Variants in GRID1 observed in about 807,000 individuals in gnomAD.
GRID1 encodes the protein glutamate receptor ionotropic, delta-1.
Under a neutral mutation model 98.0 loss-of-function variants are expected in GRID1, and 28 were observed. The ratio of observed to expected loss-of-function variants is 0.29; its 90% CI spans 0.21 to 0.39. The LOEUF (loss-of-function observed/expected upper bound fraction) is 0.39, where lower values mean the gene tolerates loss of function less well. GRID1 is among the 10% of genes least tolerant of loss of function. GRID1 has a pLI of 1.00. For missense variants in GRID1, 1,111 were observed against 1,340.5 expected (o/e 0.83, Z 2.67); for synonymous variants, 553 against 538.5 (o/e 1.03, Z -0.37).
chr10:85,854,561 G>A lies in GRID1; in HGVS notation c.1168C>T (p.Pro390Ser), dbSNP rs758023183. Residue 390 changes from proline to serine, a missense_variant, in exon 8 of 16, where the codon CCC becomes TCC. Physicochemically the swap from Pro to Ser is moderately conservative, Grantham distance 74. This residue lies in a region of GRID1 where 762 missense variants were observed against 869.1 expected (regional missense o/e 0.88). Transcript: ENST00000327946. ...VMEFREDSSN[P>S]YVQFEILGTT... ...CCAAGGATTTCAAACTGGACATAGG[G>A]ATTCGAACTGTCCTCCCGAAACTCC... 9 of 1,613,366 alleles carry A rather than the reference G, an allele frequency of 5.6e-6. No individual in the cohort carries two copies. Among genetic ancestry groups the A allele is most frequent in the Admixed American group, 1.7e-5 (1 of 60,000 alleles).
At chr10:85,839,536 T>C (rs977110006) in intron 8 of GRID1, among the ~76,000 whole-genome samples, 3 of 152,044 alleles carry the variant, frequency 2.0e-5, no homozygotes, top group South Asian at 2.1e-4. Context: ...TGGTAAATAA[T>C]AATATTAAAG....
chr10:85,692,450 C>T (rs933503631), intron 12 of GRID1, among the ~76,000 whole-genome samples: 1 of 151,852 alleles, frequency 6.6e-6, no homozygotes. Context: ...TTGCGTGACC[C>T]CAGGAGTTTG....
chr10:85,906,263 C>G (rs575050034), intron 5 of GRID1, among the ~76,000 whole-genome samples: 8 of 152,010 alleles, frequency 5.3e-5, no homozygotes, highest in Non-Finnish European at 1.2e-4. Flanking sequence ...TAAGCAATAA[C>G]TGGTAAAACT....
chr10:85,653,933 C>T (rs896723707), intron 12 of GRID1, among the ~76,000 whole-genome samples: 61 of 152,074 alleles, frequency 4.0e-4, no homozygotes, highest in African/African-American at 1.4e-3. Flanking sequence ...ATAAACTACC[C>T]AGTTTAAGGT....
chr10:86,269,533 C>T (rs1049925834), intron 2 of GRID1, among the ~76,000 whole-genome samples: 4 of 152,238 alleles, frequency 2.6e-5, no homozygotes, highest in Non-Finnish European at 4.4e-5. Context: ...CTCTTGGCCT[C>T]GGCCTCTGCA....
chr10:86,116,552 A>G (rs986503215), intron 4 of GRID1, among the ~76,000 whole-genome samples: 8 of 152,218 alleles, frequency 5.3e-5, no homozygotes, highest in African/African-American at 1.9e-4. Context: ...AACGATGGCC[A>G]TCCATAAGTG....
chr10:85,775,924 A>G (rs916156862), intron 8 of GRID1, among the ~76,000 whole-genome samples: 1 of 152,164 alleles, frequency 6.6e-6, no homozygotes, highest in African/African-American at 2.4e-5. Flanking sequence ...AAATTTTTGC[A>G]CCACATGAAT....
intron 4 of GRID1, among the ~76,000 whole-genome samples, chr10:86,046,806 C>T (rs993839766): frequency 6.1e-5 from 9 of 147,980 alleles, no homozygotes; most frequent in African/African-American, 1.8e-4. Context: ...AATCTCTTTA[C>T]ATCTGTAAGT....
chr10:86,172,394 A>G (rs1393250429), intron 3 of GRID1, among the ~76,000 whole-genome samples: 2 of 152,198 alleles, frequency 1.3e-5, no homozygotes, highest in African/African-American at 4.8e-5. Context: ...GTACATATTC[A>G]TGCATACACC....
intron 8 of GRID1, among the ~76,000 whole-genome samples, chr10:85,745,698 T>C (rs1841989879): frequency 7.0e-6 from 1 of 142,024 alleles, no homozygotes; most frequent in Non-Finnish European, 1.5e-5. Flanking sequence ...AATGTGCACA[T>C]GTACCCTAAA....
chr10:85,999,034 G>A (rs1230375457), intron 4 of GRID1, among the ~76,000 whole-genome samples: 3 of 152,070 alleles, frequency 2.0e-5, no homozygotes, highest in Non-Finnish European at 2.9e-5. Flanking sequence ...CCAACATGGC[G>A]AAACCCTGTC....
intron 8 of GRID1, among the ~76,000 whole-genome samples, chr10:85,834,957 C>T (rs1179816946): frequency 6.6e-6 from 1 of 151,984 alleles, no homozygotes; most frequent in Non-Finnish European, 1.5e-5. Context: ...AAAAAAGTTA[C>T]TTCAAAGGCA....
In GRID1 at chr10:86,138,900, CTCT is replaced by C; in HGVS notation, c.642_644del (p.Glu216del). The C allele has an allele frequency of 6.2e-7, 1 of 1,614,186 alleles. No homozygotes were observed. Among genetic ancestry groups the C allele is most frequent in the Non-Finnish European group, 8.5e-7 (1 of 1,179,996 alleles). On this transcript the variant is annotated inframe_deletion, in exon 4 of 16. Coordinates refer to ENST00000327946, the MANE Select transcript of GRID1 (RefSeq NM_017551.3). ...GCGTGTCCCGGTAGCGATTCAGCTCCTCTGTCTTCATCGTGGTGAAGAGGCTGG... is the reference window on the plus strand; with the variant it reads ...GCGTGTCCCGGTAGCGATTCAGCTCCGTCTTCATCGTGGTGAAGAGGCTGG...
chr10:85,629,766 GT>G (rs1365147548), intron 13 of GRID1, among the ~76,000 whole-genome samples: 3 of 152,078 alleles, frequency 2.0e-5, no homozygotes, highest in African/African-American at 7.2e-5. Flanking sequence ...TCTATGTTTA[GT>G]TTTTTGGGAA....
At chr10:86,225,631 C>T (rs967329614) in intron 2 of GRID1, among the ~76,000 whole-genome samples, 1 of 152,118 alleles carries the variant, frequency 6.6e-6, no homozygotes, top group East Asian at 1.9e-4. Flanking sequence ...AGACACCCTG[C>T]CCTGGAGGGG....
chr10:85,702,856 G>C (rs1391917507), intron 12 of GRID1, among the ~76,000 whole-genome samples: 2 of 151,296 alleles, frequency 1.3e-5, no homozygotes, highest in South Asian at 4.2e-4. Context: ...TGGTAAGTGA[G>C]AAGAAAAAAG....
intron 4 of GRID1, among the ~76,000 whole-genome samples, chr10:86,116,778 A>G (rs1844588406): frequency 6.6e-6 from 1 of 151,992 alleles, no homozygotes; most frequent in South Asian, 2.1e-4. Flanking sequence ...GCTAAGGCTC[A>G]CCAACAGGGA....
chr10:85,665,658 C>G (rs1321464056), intron 12 of GRID1, among the ~76,000 whole-genome samples: 1 of 152,064 alleles, frequency 6.6e-6, no homozygotes, highest in East Asian at 1.9e-4. Context: ...TCTTCTGGAG[C>G]CAAAAATAAA....
rs1841622184 is a variant in GRID1 at position 85,916,475 on chromosome 10, T to C, written c.727-236A>G. Among the ~76,000 whole-genome samples, 1 of 152,160 alleles carries C rather than the reference T, an allele frequency of 6.6e-6. No homozygotes were observed. Among genetic ancestry groups the C allele is most frequent in the Non-Finnish European group, 1.5e-5 (1 of 68,028 alleles). ...ACTCCTGCACCAGCCCAGAGCAAGA[T>C]TAGACGCTTGGGTTCCTGCAGGCAG... On this transcript the variant is annotated intron_variant, in intron 4 of 15. Transcript: ENST00000327946. This position sits in a 1 kb window ranked among gnomAD's most constrained non-coding sequence, Gnocchi z 4.0.
Sources: gnomAD v4.1 joint callset for allele counts (sites outside exome capture counted in the v4.1 genomes callset) on GRCh38, gnomAD v4.1.1 for gene constraint, gnomAD v4.1.1 regional missense constraint, Gnocchi (gnomAD v3.1) non-coding constraint, MANE v1.5 for transcripts, NCBI Gene and HGNC (gene_info 2026-07-23, HGNC 2026-07-21) for gene names.